Variants in SUMF1 observed in about 807,000 individuals in gnomAD.
SUMF1 encodes the protein sulfatase modifying factor 1, also known as formylglycine-generating enzyme.
SUMF1 carries 48 observed loss-of-function variants against 47.6 expected under a neutral mutation model. That is an observed-to-expected ratio of 1.01 (90% CI 0.80 to 1.28). The LOEUF is 1.28. SUMF1 is among the 50% of genes most tolerant of loss of function. SUMF1 has a pLI of 0.00. For missense variants in SUMF1, 571 were observed against 485.4 expected, an observed-to-expected ratio of 1.18 and a Z score of -1.66; for synonymous variants, 230 against 192.1, an observed-to-expected ratio of 1.20 and a Z score of -1.63.
chr3:4,390,883 T>C (rs1189464044), intron 7 of SUMF1, among the ~76,000 whole-genome samples: 1 of 152,206 alleles, frequency 6.6e-6, no homozygotes, highest in African/African-American at 2.4e-5. Context: ...ATGGTCTGCT[T>C]ATAATTCTTT....
chr3:4,204,339 G>A (rs960800631), intron 8 of SUMF1, among the ~76,000 whole-genome samples: 3 of 152,046 alleles, frequency 2.0e-5, no homozygotes, highest in African/African-American at 7.2e-5. Flanking sequence ...CCACTGAGAA[G>A]TCTGCTGCCA....
At chr3:4,451,416 G>A (rs1249314853) in intron 2 of SUMF1, among the ~76,000 whole-genome samples, 1 of 152,178 alleles carries the variant, frequency 6.6e-6, no homozygotes, top group South Asian at 2.1e-4. Flanking sequence ...TAAATAACCA[G>A]ATATATTAGG....
rs999795762 is a variant in SUMF1 at position 4,057,826 on chromosome 3, G to A, written c.1191+10743C>T. On this transcript the variant is annotated intron_variant and NMD_transcript_variant, in intron 9 of 12. Transcript: ENST00000448413. Reference sequence around the variant, plus strand: ...TATTTTTAACAACATAAACACAGAGGTTCCAAGAAGTTAACTTGTCTCAAG... The same window carrying A: ...TATTTTTAACAACATAAACACAGAGATTCCAAGAAGTTAACTTGTCTCAAG... Among the ~76,000 whole-genome samples, 18 of 152,168 alleles carry A rather than the reference G, an allele frequency of 1.2e-4. No individual in the cohort carries two copies. The South Asian group carries it at 2.9e-3, about 25-fold the overall frequency.
chr3:4,265,185 T>C (rs1697165675), intron 8 of SUMF1, among the ~76,000 whole-genome samples: 1 of 151,130 alleles, frequency 6.6e-6, no homozygotes, highest in Non-Finnish European at 1.5e-5. Flanking sequence ...AAATATGTTC[T>C]ATGCATCTGG....
At chr3:4,068,992 T>C (rs182261540) in intron 8 of SUMF1, among the ~76,000 whole-genome samples, 3 of 152,192 alleles carry the variant, frequency 2.0e-5, no homozygotes, top group Admixed American at 2.0e-4. Context: ...AAAATAACAA[T>C]AATAATAACA....
intron 8 of SUMF1, among the ~76,000 whole-genome samples, chr3:4,106,241 G>T (rs910171185): frequency 6.6e-6 from 1 of 151,932 alleles, no homozygotes; most frequent in Non-Finnish European, 1.5e-5. Context: ...GCATCAAAAT[G>T]GAATTTTAAC....
intron 8 of SUMF1, among the ~76,000 whole-genome samples, chr3:4,342,473 C>T (rs532223539): frequency 6.6e-6 from 1 of 152,312 alleles, no homozygotes; most frequent in Non-Finnish European, 1.5e-5. Context: ...ACAAAGGTTT[C>T]AGTGAGCTGA....
At position 4,038,663 on chromosome 3, in the gene SUMF1, T is replaced by G. The variant is rs113189340; in HGVS notation, c.1191+29906A>C. On this transcript the variant is annotated intron_variant and NMD_transcript_variant, in intron 9 of 12. Transcript: ENST00000448413. Reference sequence around the variant, plus strand: ...TAGTCTACTCTCCATATGGTGATAGTGGCATGCTGTAAGCTCAGGTGTAGC... The same window carrying G: ...TAGTCTACTCTCCATATGGTGATAGGGGCATGCTGTAAGCTCAGGTGTAGC... 1.0e-3 allele frequency among the ~76,000 whole-genome samples: 153 copies of G among 152,228 alleles called. 1 individual carries two copies. Among genetic ancestry groups the G allele is most frequent in the African/African-American group, 3.5e-3 (145 of 41,544 alleles).
intron 8 of SUMF1, among the ~76,000 whole-genome samples, chr3:4,127,058 T>C (rs1302622958): frequency 2.0e-5 from 3 of 152,232 alleles, no homozygotes; most frequent in East Asian, 1.9e-4. Flanking sequence ...ATTTAAGAGG[T>C]CTCTCACTGA....
At chr3:4,456,916 G>GTGTGTGTGTATATATATA in intron 1 of SUMF1, among the ~76,000 whole-genome samples, 1 of 102,564 alleles carries the variant, frequency 9.8e-6, no homozygotes, top group Non-Finnish European at 2.0e-5. Context: ...ATCTATATAC[G>GTGTGTGTGTATATATATA]TGTGTGTGTA....
intron 8 of SUMF1, among the ~76,000 whole-genome samples, chr3:4,236,069 G>C (rs1341772322): frequency 6.6e-6 from 1 of 151,998 alleles, no homozygotes; most frequent in Non-Finnish European, 1.5e-5. Context: ...TAGCCCCCCA[G>C]ATAGCTGGGA....
chr3:4,089,105 C>T lies in SUMF1; in HGVS notation c.1015-20360G>A, dbSNP rs117997099. Among the ~76,000 whole-genome samples the T allele has an allele frequency of 3.5e-4, 53 of 152,198 alleles. No homozygotes were observed. The East Asian group carries it at 9.8e-3, about 28-fold the overall frequency. On this transcript the variant is annotated intron_variant and NMD_transcript_variant, in intron 8 of 12. Coordinates refer to the SUMF1 transcript ENST00000448413. ...ACACTGTGGAAGCTGGCACTAATAA[C>T]ATGAAGTGCAGATTATGTATAATTA...
intron 8 of SUMF1, among the ~76,000 whole-genome samples, chr3:4,294,712 T>C (rs951694306): frequency 6.6e-6 from 1 of 152,146 alleles, no homozygotes; most frequent in African/African-American, 2.4e-5. Flanking sequence ...AAGCAATATG[T>C]AAAACATATC....
chr3:4,224,730 G>T (rs983198829), intron 8 of SUMF1, among the ~76,000 whole-genome samples: 2 of 151,938 alleles, frequency 1.3e-5, no homozygotes, highest in African/African-American at 4.8e-5. Context: ...AAAAAAAATG[G>T]ACCTTGGAAA....
At chr3:4,074,633 C>G (rs1087829) in intron 8 of SUMF1, among the ~76,000 whole-genome samples, 39,104 of 151,522 alleles carry the variant, frequency 0.26, 5,454 homozygotes, top group Admixed American at 0.31. Flanking sequence ...TCAAATAGAC[C>G]CAATAAAAAA....
intron 8 of SUMF1, among the ~76,000 whole-genome samples, chr3:4,198,514 G>A (rs549647871): frequency 6.6e-6 from 1 of 152,148 alleles, no homozygotes; most frequent in East Asian, 1.9e-4. Flanking sequence ...ATTAAAATGT[G>A]GTATGCTTTC....
chr3:4,436,561 C>CA, intron 3 of SUMF1, among the ~76,000 whole-genome samples: 1 of 143,342 alleles, frequency 7.0e-6, no homozygotes, highest in Non-Finnish European at 1.5e-5. Flanking sequence ...GGGCAATATT[C>CA]AAAAAAATAA....
chr3:4,371,189 G>C lies in SUMF1; in HGVS notation c.1014+5141C>G, dbSNP rs1032525310. On this transcript the variant is annotated intron_variant, in intron 8 of 8. Transcript: ENST00000272902. ...TTCTTTTTTACCAACTTTATTTTTAGCAGCAAAAGTGGTTCTTAAGGATGT... is the reference window on the plus strand; with the variant it reads ...TTCTTTTTTACCAACTTTATTTTTACCAGCAAAAGTGGTTCTTAAGGATGT... Among the ~76,000 whole-genome samples the C allele has an allele frequency of 5.3e-5, 8 of 151,996 alleles. 1 individual carries two copies. Among genetic ancestry groups the C allele is most frequent in the Admixed American group, 5.2e-4 (8 of 15,256 alleles).
chr3:4,442,453 G>A (rs958713272), intron 3 of SUMF1, among the ~76,000 whole-genome samples: 1 of 151,296 alleles, frequency 6.6e-6, no homozygotes, highest in Non-Finnish European at 1.5e-5. Context: ...TAGAGACGGG[G>A]TTTCACCGTT....
Sources: gnomAD v4.1 joint callset for allele counts (sites outside exome capture counted in the v4.1 genomes callset) on GRCh38, gnomAD v4.1.1 for gene constraint, MANE v1.5 for transcripts, NCBI Gene and HGNC (gene_info 2026-07-23, HGNC 2026-07-21) for gene names.